LRFN5: variants seen among roughly 807,000 people sequenced by gnomAD.
LRFN5 encodes the protein leucine rich repeat and fibronectin type III domain containing 5, also known as leucine-rich repeat and fibronectin type-III domain-containing protein 5.
A neutral mutation model predicts 45.6 loss-of-function variants in LRFN5; 24 were observed. The observed-to-expected ratio is 0.53, with a 90% CI of 0.38 to 0.74. The LOEUF (loss-of-function observed/expected upper bound fraction) is 0.74. Ranked by LOEUF, LRFN5 falls within the 30% of genes least tolerant of loss-of-function variation. LRFN5 has a pLI of 0.00. For missense variants in LRFN5, 776 were observed against 861.5 expected (o/e 0.90, Z 1.24); for synonymous variants, 340 against 313.8 (o/e 1.08, Z -0.88).
chr14:41,611,196 A>G (rs1314377646), intron 1 of LRFN5, among the ~76,000 whole-genome samples: 1 of 152,188 alleles, frequency 6.6e-6, no homozygotes, highest in Non-Finnish European at 1.5e-5. Context: ...GGTGTGATGC[A>G]TGTTTGAAAA....
At chr14:41,836,337 A>G (rs1460627611) in intron 2 of LRFN5, among the ~76,000 whole-genome samples, 3 of 152,258 alleles carry the variant, frequency 2.0e-5, no homozygotes, top group Admixed American at 6.5e-5. Context: ...AATAAAGATT[A>G]TATATTTACC....
chr14:41,846,806 T>G (rs1889084780), intron 2 of LRFN5, among the ~76,000 whole-genome samples: 3 of 152,124 alleles, frequency 2.0e-5, no homozygotes, highest in African/African-American at 7.2e-5. Context: ...ATTGAGGTTG[T>G]AAGGACTGTG....
intron 2 of LRFN5, among the ~76,000 whole-genome samples, chr14:41,844,223 G>A (rs1192499700): frequency 6.6e-6 from 1 of 152,122 alleles, no homozygotes. Context: ...GGATCACGAG[G>A]TCAGGAGATC....
At position 41,606,948 on chromosome 14, in the gene LRFN5, C is replaced by T. The variant is rs1018966117; in HGVS notation, c.-1811C>T. Among the ~76,000 whole-genome samples, 1 of 151,966 alleles carries T rather than the reference C, an allele frequency of 6.6e-6. No individual in the cohort carries two copies. The highest frequency in any genetic ancestry group is 6.6e-5 in the Admixed American group (1 of 15,262). On this transcript the variant is annotated 5_prime_UTR_variant, in exon 1 of 6. The change creates a new upstream start codon in the 5' untranslated region. Coordinates refer to ENST00000298119, the MANE Select transcript of LRFN5 (RefSeq NM_152447.5). ...GGCCAGGAGGCCGCCGTTGCCCACA[C>T]GCGACGCTTTGGGAAGCCCAGCTCC...
intron 1 of LRFN5, among the ~76,000 whole-genome samples, chr14:41,674,335 C>T (rs1211687980): frequency 3.0e-5 from 4 of 133,756 alleles, no homozygotes; most frequent in Admixed American, 2.9e-4. Context: ...GGGGCCGACC[C>T]CCCCACCTCC....
At chr14:41,894,898 A>T in intron 4 of LRFN5, 2 of 983,908 alleles carry the variant, frequency 2.0e-6, no homozygotes, top group Non-Finnish European at 2.4e-6. Flanking sequence ...TCATTTAAAC[A>T]GTCATATATA....
At chr14:41,815,552 C>T (rs144324035) in intron 2 of LRFN5, among the ~76,000 whole-genome samples, 1 of 152,082 alleles carries the variant, frequency 6.6e-6, no homozygotes, top group Non-Finnish European at 1.5e-5. Context: ...GGTTGGGCAA[C>T]ATAGGGAGAC....
At chr14:41,640,564 A>G (rs1053362367) in intron 1 of LRFN5, among the ~76,000 whole-genome samples, 3 of 152,122 alleles carry the variant, frequency 2.0e-5, no homozygotes, top group Non-Finnish European at 4.4e-5. Context: ...CTGTGGAGAT[A>G]GAGTCATGTG....
intron 2 of LRFN5, among the ~76,000 whole-genome samples, chr14:41,845,244 C>T (rs543544735): frequency 1.4e-4 from 21 of 152,094 alleles, no homozygotes; most frequent in Middle Eastern, 3.4e-3. Flanking sequence ...TTAAAGGACA[C>T]GACAAAATTA....
In LRFN5 at chr14:41,704,408, T is replaced by TTCTC. The variant is rs141458106; in HGVS notation, c.-196-62408_-196-62405dup. Among the ~76,000 whole-genome samples, 744 of 102,300 alleles carry TTCTC rather than the reference T, an allele frequency of 7.3e-3. 3 individuals are homozygous for TTCTC. Among genetic ancestry groups the TTCTC allele is most frequent in the Admixed American group, 0.01 (98 of 9,496 alleles). The allele number at this position is 102,300 out of a possible 152,430, so 67.1% of individuals were successfully genotyped here. A position where few individuals can be genotyped will look rare whatever the true frequency, so the allele number is the denominator to read the frequency against. On this transcript the variant is annotated intron_variant, in intron 1 of 5. Coordinates refer to ENST00000298119, the MANE Select transcript of LRFN5 (RefSeq NM_152447.5). ...ATTTTCTAGACTTATTGTTATACTT[T>TTCTC]TCTCTCTCTCTCTCTCTCTCTCTCT...
At chr14:41,865,249 C>A (rs1889798923) in intron 2 of LRFN5, among the ~76,000 whole-genome samples, 1 of 152,108 alleles carries the variant, frequency 6.6e-6, no homozygotes, top group Admixed American at 6.6e-5. Context: ...ATCCCCAACT[C>A]CATATAACCA....
intron 1 of LRFN5, among the ~76,000 whole-genome samples, chr14:41,649,419 A>G (rs768591851): frequency 1.5e-4 from 23 of 152,322 alleles, no homozygotes; most frequent in Admixed American, 3.9e-4. Context: ...AAATACTCAA[A>G]TATTTAATAT....
chr14:41,855,935 A>G (rs538054284), intron 2 of LRFN5, among the ~76,000 whole-genome samples: 2 of 152,344 alleles, frequency 1.3e-5, no homozygotes, highest in East Asian at 3.9e-4. Context: ...AATACAACTT[A>G]GAGAATCATC....
intron 2 of LRFN5, among the ~76,000 whole-genome samples, chr14:41,865,850 A>G (rs1271164357): frequency 6.6e-6 from 1 of 152,102 alleles, no homozygotes; most frequent in East Asian, 1.9e-4. Context: ...GATGATTTGT[A>G]TATCTTATTT....
At chr14:41,734,029 C>CTTTTTTTT (rs58623215) in intron 1 of LRFN5, among the ~76,000 whole-genome samples, 9 of 123,884 alleles carry the variant, frequency 7.3e-5, no homozygotes, top group African/African-American at 2.9e-4. Context: ...CTTTTCTTTT[C>CTTTTTTTT]TTTTTTTTTT....
intron 1 of LRFN5, among the ~76,000 whole-genome samples, chr14:41,618,161 A>G (rs1168607345): frequency 6.6e-6 from 1 of 152,222 alleles, no homozygotes; most frequent in African/African-American, 2.4e-5. Context: ...AATTCTAGAT[A>G]TAACTGTTAT....
At position 41,606,907 on chromosome 14, in the gene LRFN5, G is replaced by C. The variant is rs1111178; in HGVS notation, c.-1852G>C. 6.6e-6 allele frequency among the ~76,000 whole-genome samples: 1 copy of C among 151,964 alleles called. No individual in the cohort carries two copies. The highest frequency in any genetic ancestry group is 2.4e-5 in the African/African-American group (1 of 41,410). On this transcript the variant is annotated 5_prime_UTR_variant, in exon 1 of 6. Coordinates refer to ENST00000298119, the MANE Select transcript of LRFN5 (RefSeq NM_152447.5). The stretch of plus-strand genomic sequence containing the variant: ...GCCGCCGCCTTCATGCTGCAGCGCA[G>C]GGCTCAGTTCCACGCGGCCAGGAGG...
intron 1 of LRFN5, among the ~76,000 whole-genome samples, chr14:41,763,281 T>C (rs1885744439): frequency 6.6e-6 from 1 of 152,226 alleles, no homozygotes; most frequent in African/African-American, 2.4e-5. Context: ...TAGAAGACTT[T>C]AAAGTCCTAC....
chr14:41,653,004 A>T (rs1678313241), intron 1 of LRFN5, among the ~76,000 whole-genome samples: 1 of 151,690 alleles, frequency 6.6e-6, no homozygotes, highest in South Asian at 2.1e-4. Flanking sequence ...CTTTTTAATG[A>T]GATTGTTTGT....
Sources: gnomAD v4.1 joint callset for allele counts (sites outside exome capture counted in the v4.1 genomes callset) on GRCh38, gnomAD v4.1.1 for gene constraint, MANE v1.5 for transcripts, NCBI Gene and HGNC (gene_info 2026-07-23, HGNC 2026-07-21) for gene names.